Variants in UROC1 observed in about 807,000 individuals in gnomAD.
UROC1 encodes the protein urocanate hydratase.
A neutral mutation model predicts 89.5 loss-of-function variants in UROC1; 79 were observed. That is an observed-to-expected ratio of 0.88 (90% CI 0.74 to 1.06). The LOEUF is 1.06. UROC1 is among the 50% of genes least tolerant of loss of function. The probability of loss-of-function intolerance (pLI) is 0.00; values close to 1 mark genes in which losing one functional copy is unlikely to be tolerated. For missense variants in UROC1, 885 were observed against 907.8 expected (o/e 0.97, Z 0.32); for synonymous variants, 361 against 354.8 (o/e 1.02, Z -0.20).
At position 126,488,284 on chromosome 3, in the gene UROC1, G is replaced by T. The variant is rs376757323; in HGVS notation, c.1709-5C>A. 1 of 1,614,220 alleles carries T rather than the reference G, an allele frequency of 6.2e-7. No homozygotes were observed. The highest frequency in any genetic ancestry group is 1.1e-5 in the South Asian group (1 of 91,092). On this transcript the variant is annotated splice_polypyrimidine_tract_variant and splice_region_variant and intron_variant, in intron 17 of 19. Coordinates refer to ENST00000290868, the MANE Select transcript of UROC1 (RefSeq NM_144639.3). Reference sequence around the variant, plus strand: ...CGAAGTTCTGCACAGCCATGTCTGCGGAAATAGAGACGCCTCTGCTCATCA... The same window carrying T: ...CGAAGTTCTGCACAGCCATGTCTGCTGAAATAGAGACGCCTCTGCTCATCA...
chr3:126,501,207 C>A lies in UROC1; in HGVS notation c.965+11G>T, dbSNP rs749039077. ...TCCCAAGCTGGCCATCAACTCCCAA[C>A]CCCCACTCACCAAAGAGCCACCACG... On this transcript the variant is annotated intron_variant, in intron 10 of 19. Coordinates refer to ENST00000290868, the MANE Select transcript of UROC1 (RefSeq NM_144639.3). The A allele has an allele frequency of 1.6e-5, 26 of 1,614,026 alleles. No individual in the cohort carries two copies. In the East Asian group the frequency reaches 4.0e-4, roughly 25 times the overall value.
intron 2 of UROC1, 71 bp from the exon 3 acceptor site, chr3:126,509,749 G>A: frequency 7.2e-7 from 1 of 1,392,764 alleles, no homozygotes; most frequent in Non-Finnish European, 1.0e-6. Flanking sequence ...GCCCCGCCCA[G>A]CCCCTGGCCG....
At chr3:126,500,527 G>A (rs181589942) in intron 11 of UROC1, among the ~76,000 whole-genome samples, 168 bp downstream of exon 11, 255 of 152,314 alleles carry the variant, frequency 1.7e-3, no homozygotes, top group South Asian at 7.2e-3. Context: ...CTGCCGAGAG[G>A]TAAGTGTGTC....
In UROC1 at chr3:126,494,382, C is replaced by G. The variant is rs1018645008; in HGVS notation, c.1509+1656G>C. 2.6e-5 allele frequency among the ~76,000 whole-genome samples: 4 copies of G among 152,184 alleles called. 1 individual carries two copies. Among genetic ancestry groups the G allele is most frequent in the African/African-American group, 9.6e-5 (4 of 41,452 alleles). On this transcript the variant is annotated intron_variant, in intron 15 of 19. Transcript: ENST00000290868. ...GCATCCATCCTCTCAGGCTATCCCC[C>G]CTCTCTTCTCCACCCCATCTCTGCA...
intron 11 of UROC1, 26 bp downstream of exon 11, chr3:126,500,669 C>T (rs779023778): frequency 9.9e-6 from 16 of 1,613,914 alleles, no homozygotes; most frequent in Non-Finnish European, 1.2e-5. Flanking sequence ...CCAAATGCTT[C>T]TGCCACCCCC....
chr3:126,505,653 G>T, intron 8 of UROC1, 48 bp downstream of exon 8: 1 of 1,560,340 alleles, frequency 6.4e-7, no homozygotes, highest in Non-Finnish European at 8.8e-7. Context: ...GGGAGGGAGG[G>T]AGGGAGGGAG....
At chr3:126,498,228 T>A (rs1182262750) in intron 13 of UROC1, 56 bp from the exon 14 acceptor site, 2 of 1,612,212 alleles carry the variant, frequency 1.2e-6, no homozygotes, top group East Asian at 4.5e-5. Context: ...GGGGAGGGGG[T>A]GCAGGTGTGA....
intron 18 of UROC1, among the ~76,000 whole-genome samples, chr3:126,486,979 G>C (rs1935533970): frequency 6.6e-6 from 1 of 152,220 alleles, no homozygotes; most frequent in Admixed American, 6.5e-5. Context: ...AAGGTTTTAG[G>C]TCCCAGTGTC....
At chr3:126,505,667 G>C (rs1207388731) in intron 8 of UROC1, 34 bp downstream of exon 8, 10 of 1,612,694 alleles carry the variant, frequency 6.2e-6, no homozygotes. Context: ...GAGGGAGGCA[G>C]GCAGGAGCGA....
rs77035487 is a variant in UROC1 at position 126,493,051 on chromosome 3, C to T, written c.1510-535G>A. The stretch of plus-strand genomic sequence containing the variant: ...GTGGAGCCACCTGTCTACAGGTTGA[C>T]CTTGGGCCCTCTGTCTGTCTGCTGC... On this transcript the variant is annotated intron_variant, in intron 15 of 19. Coordinates refer to ENST00000290868, the MANE Select transcript of UROC1 (RefSeq NM_144639.3). 6.4e-3 allele frequency among the ~76,000 whole-genome samples: 975 copies of T among 152,244 alleles called. 12 individuals carry two copies. Among genetic ancestry groups the T allele is most frequent in the African/African-American group, 0.023 (950 of 41,540 alleles).
At chr3:126,484,442 T>G (rs1156645349) in intron 18 of UROC1, among the ~76,000 whole-genome samples, 1 of 152,210 alleles carries the variant, frequency 6.6e-6, no homozygotes, top group East Asian at 1.9e-4. Context: ...TGCAAATGTG[T>G]CCCTCCTGCC....
rs190074901 is a variant in UROC1 at position 126,501,425 on chromosome 3, C to T, written c.903-145G>A. 3.7e-5 allele frequency: 35 copies of T among 950,006 alleles called. No homozygotes were observed. The East Asian group carries it at 7.9e-4, about 22-fold the overall frequency. The allele number at this position is 950,006 out of a possible 1,614,324, so 58.8% of individuals were successfully genotyped here. A position where few individuals can be genotyped will look rare whatever the true frequency, so the allele number is the denominator to read the frequency against. ...CAAACGTGGGGGCCATGGGGCTGGG[C>T]CATGAAGCATGCCTGCAGGACCCCG... On this transcript the variant is annotated intron_variant, in intron 9 of 19. Coordinates refer to ENST00000290868, the MANE Select transcript of UROC1 (RefSeq NM_144639.3).
chr3:126,516,829 G>A (rs1936340786), intron 1 of UROC1, among the ~76,000 whole-genome samples: 1 of 149,952 alleles, frequency 6.7e-6, no homozygotes, highest in Admixed American at 6.6e-5. Context: ...CCGGTGCAAA[G>A]GGCAGCCATC....
At chr3:126,489,159 T>C (rs1348000659) in intron 17 of UROC1, 117 bp downstream of exon 17, 1 of 1,018,582 alleles carries the variant, frequency 9.8e-7, no homozygotes, top group Non-Finnish European at 1.5e-6. Context: ...GGTCACTCTA[T>C]GCCGAGCCTC....
intron 14 of UROC1, 105 bp from the exon 15 acceptor site, chr3:126,496,213 G>A: frequency 8.6e-7 from 1 of 1,164,628 alleles, no homozygotes; most frequent in South Asian, 1.3e-5. Flanking sequence ...GCCCACCACT[G>A]AGCTAGGACA....
At chr3:126,516,726 T>C (rs1936338624) in intron 1 of UROC1, among the ~76,000 whole-genome samples, 1 of 112,826 alleles carries the variant, frequency 8.9e-6, no homozygotes, top group Admixed American at 9.2e-5. Flanking sequence ...CTTTCTCCCT[T>C]CCCCAGCGCC....
chr3:126,502,061 T>G, intron 9 of UROC1: 11 of 1,114,516 alleles, frequency 9.9e-6, no homozygotes, highest in Non-Finnish European at 1.3e-5. Context: ...CTGATTTTGA[T>G]GTATGTGTAT....
chr3:126,497,697 C>G (rs1283320400), intron 14 of UROC1, among the ~76,000 whole-genome samples: 1 of 152,246 alleles, frequency 6.6e-6, no homozygotes, highest in Non-Finnish European at 1.5e-5. Flanking sequence ...CCTGGCCACC[C>G]TAGCCCTGGA....
chr3:126,513,996 T>C (rs1936249084), intron 1 of UROC1, among the ~76,000 whole-genome samples: 1 of 152,142 alleles, frequency 6.6e-6, no homozygotes, highest in Non-Finnish European at 1.5e-5. Flanking sequence ...CGTCTCCACA[T>C]CTGTGCACAC....
Sources: gnomAD v4.1 joint callset for allele counts (sites outside exome capture counted in the v4.1 genomes callset) on GRCh38, gnomAD v4.1.1 for gene constraint, MANE v1.5 for transcripts, NCBI Gene and HGNC (gene_info 2026-07-23, HGNC 2026-07-21) for gene names.